Variants in NRDC observed in about 807,000 individuals in gnomAD.
NRDC encodes the protein nardilysin convertase.
NRDC carries 54 observed loss-of-function variants against 147.1 expected under a neutral mutation model. The observed-to-expected ratio is 0.37, with a 90% CI of 0.29 to 0.46. The LOEUF is 0.46. Ranked by LOEUF, NRDC falls within the 20% of genes least tolerant of loss-of-function variation. NRDC has a pLI of 1.00. For synonymous variants in NRDC, 440 were observed against 482.1 expected, an observed-to-expected ratio of 0.91 and a Z score of 1.14; for missense variants, 1,082 against 1,370.6, an observed-to-expected ratio of 0.79 and a Z score of 3.33.
intron 1 of NRDC, among the ~76,000 whole-genome samples, chr1:51,858,546 T>C (rs1293509298): frequency 1.3e-5 from 2 of 152,068 alleles, no homozygotes; most frequent in South Asian, 2.1e-4. Flanking sequence ...TGCTAAACTT[T>C]TGGCATAAAC....
chr1:51,801,570 A>G (rs1210140765), intron 20 of NRDC, among the ~76,000 whole-genome samples: 1 of 152,178 alleles, frequency 6.6e-6, no homozygotes, highest in Non-Finnish European at 1.5e-5. Context: ...TTTTAGTGGT[A>G]TATGAGGTTT....
intron 22 of NRDC, chr1:51,795,238 T>G: frequency 7.8e-7 from 1 of 1,289,282 alleles, no homozygotes; most frequent in Non-Finnish European, 1.0e-6. Context: ...TAACATTTAA[T>G]ACTGAGTGAA....
intron 2 of NRDC, 90 bp from the exon 3 acceptor site, chr1:51,836,302 T>C (rs1680971743): frequency 6.3e-7 from 1 of 1,580,794 alleles, no homozygotes; most frequent in African/African-American, 1.3e-5. Context: ...TGGAGATGGA[T>C]GTTTTCCAAT....
intron 1 of NRDC, among the ~76,000 whole-genome samples, chr1:51,873,162 T>C (rs1279507019): frequency 1.3e-5 from 2 of 150,958 alleles, no homozygotes; most frequent in Non-Finnish European, 2.9e-5. Flanking sequence ...GTTCTTCCCA[T>C]CCAATACAAA....
intron 5 of NRDC, among the ~76,000 whole-genome samples, chr1:51,826,550 A>G (rs1021365676): frequency 6.6e-6 from 1 of 152,198 alleles, no homozygotes; most frequent in African/African-American, 2.4e-5. Context: ...TCACTAAGAC[A>G]TACTATGCAG....
In NRDC at chr1:51,814,697, T is replaced by G; in HGVS notation, c.1556A>C (p.Tyr519Ser). Residue 519 changes from tyrosine to serine, a missense_variant, in exon 12 of 31, where the codon TAT (tyrosine) becomes TCT (serine). Tyr to Ser is a moderately radical substitution (Grantham distance 144, BLOSUM62 -2). Coordinates refer to ENST00000352171, the MANE Select transcript of NRDC (RefSeq NM_001101662.2). ...TLTDEGYEHF[Y>S]EVAYTVFQYL... Reference sequence around the variant, plus strand: ...AACTGAATTTGAATTATTTACCTCATAAAAATGTTCATAACCCTCATCAGT... The same window carrying G: ...AACTGAATTTGAATTATTTACCTCAGAAAAATGTTCATAACCCTCATCAGT... The G allele has an allele frequency of 6.2e-7, 1 of 1,607,608 alleles. No homozygotes were observed. Among genetic ancestry groups the G allele is most frequent in the South Asian group, 1.1e-5 (1 of 90,410 alleles).
At chr1:51,821,252 A>C (rs962157340) in intron 8 of NRDC, among the ~76,000 whole-genome samples, 8 of 152,128 alleles carry the variant, frequency 5.3e-5, no homozygotes, top group Non-Finnish European at 1.5e-5. Context: ...AGGAGGCATA[A>C]ATTTTTCAGA....
In NRDC at chr1:51,840,427, A is replaced by G; in HGVS notation, c.429T>C (p.Asp143=). ...CTTCCTCCACCTCCTCTTCTTCTTC[A>G]TCATCTGTTGTATTTCCTGTTTTAC... The part of the protein sequence containing the change: ...MEGKTGNTTD[D]EEEEEVEEEE... Residue 143 remains aspartate (D), a synonymous_variant, in exon 2 of 31, where the codon GAT becomes GAC. Transcript: ENST00000352171. The G allele has an allele frequency of 3.1e-6, 5 of 1,606,726 alleles. No homozygotes were observed. The highest frequency in any genetic ancestry group is 3.4e-6 in the Non-Finnish European group (4 of 1,173,608).
intron 10 of NRDC, 103 bp downstream of exon 10, chr1:51,817,963 C>T (rs950717933): frequency 1.0e-5 from 8 of 786,560 alleles, no homozygotes; most frequent in South Asian, 1.7e-5. Context: ...TACCGTATTG[C>T]TATGTTTATA....
At chr1:51,834,695 A>T (rs1037021186) in intron 3 of NRDC, among the ~76,000 whole-genome samples, 2 of 152,100 alleles carry the variant, frequency 1.3e-5, no homozygotes, top group African/African-American at 2.4e-5. Context: ...AAAAAAAAAA[A>T]TTTCATCTTT....
At chr1:51,830,937 C>T (rs1049036799) in intron 4 of NRDC, among the ~76,000 whole-genome samples, 1 of 152,130 alleles carries the variant, frequency 6.6e-6, no homozygotes, top group Non-Finnish European at 1.5e-5. Flanking sequence ...TATATAAGAG[C>T]ATATTACACA....
At position 51,824,557 on chromosome 1, in the gene NRDC, T is replaced by A. The variant is rs187715054; in HGVS notation, c.1036+730A>T. On this transcript the variant is annotated intron_variant, in intron 6 of 30. Transcript: ENST00000352171. ...TCATCTCATCCTAAATTTTACTCTA[T>A]AGTCAACAGGATTAATATGAGGCTG... 2.0e-5 allele frequency among the ~76,000 whole-genome samples: 3 copies of A among 152,334 alleles called. No individual in the cohort carries two copies. In the East Asian group the frequency reaches 5.8e-4, roughly 29 times the overall value.
At chr1:51,818,259 T>TTAAG in intron 9 of NRDC, 124 bp from the exon 10 acceptor site, 1 of 604,776 alleles carries the variant, frequency 1.7e-6, no homozygotes, top group East Asian at 3.3e-5. Flanking sequence ...TACAATGCAG[T>TTAAG]TATTGTTTCA....
intron 21 of NRDC, among the ~76,000 whole-genome samples, chr1:51,799,400 T>C (rs1679084406): frequency 6.6e-6 from 1 of 151,600 alleles, no homozygotes; most frequent in African/African-American, 2.4e-5. Context: ...CCTGTGTCCA[T>C]GTCCTTTCTA....
At chr1:51,810,689 AT>A (rs1679676051) in intron 15 of NRDC, among the ~76,000 whole-genome samples, 1 of 152,226 alleles carries the variant, frequency 6.6e-6, no homozygotes, top group African/African-American at 2.4e-5. Context: ...AAAAATAGCT[AT>A]CCTTTACTAC....
At chr1:51,837,705 G>GC in intron 2 of NRDC, 1 of 1,083,558 alleles carries the variant, frequency 9.2e-7, no homozygotes, top group South Asian at 2.7e-5. Context: ...AATTAAGAAA[G>GC]CCCTGAACAA....
At chr1:51,847,544 G>A (rs1248919222) in intron 1 of NRDC, among the ~76,000 whole-genome samples, 3 of 152,214 alleles carry the variant, frequency 2.0e-5, no homozygotes, top group South Asian at 2.1e-4. Context: ...GCTAAGGCCC[G>A]GCGAGAAATC....
intron 5 of NRDC, among the ~76,000 whole-genome samples, chr1:51,827,102 G>A (rs1209642777): frequency 1.3e-5 from 2 of 152,188 alleles, no homozygotes; most frequent in Non-Finnish European, 2.9e-5. Context: ...CTACAGCTAG[G>A]AGGAGCTTAA....
At chr1:51,789,546 G>A (rs747298364) in intron 30 of NRDC, 22 bp downstream of exon 30, 3 of 1,598,752 alleles carry the variant, frequency 1.9e-6, no homozygotes, top group South Asian at 2.2e-5. Context: ...TAGAATGGAT[G>A]GAGTTAGTTA....
Sources: gnomAD v4.1 joint callset for allele counts (sites outside exome capture counted in the v4.1 genomes callset) on GRCh38, gnomAD v4.1.1 for gene constraint, MANE v1.5 for transcripts, NCBI Gene and HGNC (gene_info 2026-07-23, HGNC 2026-07-21) for gene names.